Variants in CSMD3 observed in about 807,000 individuals in gnomAD.
CSMD3 encodes CUB and sushi domain-containing protein 3.
A neutral mutation model predicts 435.2 loss-of-function variants in CSMD3; 177 were observed. The ratio of observed to expected loss-of-function variants is 0.41; its 90% CI spans 0.36 to 0.46. CSMD3 has a LOEUF of 0.46. Among genes scored for constraint, CSMD3 ranks in the 20% least tolerant of loss-of-function variants. CSMD3 has a pLI of 0.34. For synonymous variants in CSMD3, 1,656 were observed against 1,520.5 expected, an observed-to-expected ratio of 1.09 and a Z score of -2.07; for missense variants, 4,265 against 4,504.6, an observed-to-expected ratio of 0.95 and a Z score of 1.52.
At chr8:112,633,398 T>C (rs7827181) in intron 22 of CSMD3, among the ~76,000 whole-genome samples, 73,581 of 151,706 alleles carry the variant, frequency 0.49, 18,495 homozygotes, top group African/African-American at 0.59. Context: ...ATAAATCTGC[T>C]CCTGGGTTTG....
chr8:113,116,415 T>A (rs541747807), intron 4 of CSMD3, among the ~76,000 whole-genome samples: 1 of 152,340 alleles, frequency 6.6e-6, no homozygotes, highest in East Asian at 1.9e-4. Context: ...CCAGCATGAT[T>A]GTAAGTATCC....
chr8:112,476,038 T>A (rs551183228), intron 31 of CSMD3, among the ~76,000 whole-genome samples: 10 of 152,266 alleles, frequency 6.6e-5, no homozygotes, highest in South Asian at 2.1e-4. Flanking sequence ...TTGCATTTTT[T>A]AATTTATTTT....
rs966077812 is a variant in CSMD3 at position 112,687,851 on chromosome 8, G to T, written c.2155+2017C>A. On this transcript the variant is annotated intron_variant, in intron 14 of 70. Transcript: ENST00000297405. ...CTTTTATTCTAGCTTATCTTGAAAA[G>T]TTAAGGCACCCCAGTTTCCTACCAC... is the stretch of plus-strand genomic sequence containing the variant. Among the ~76,000 whole-genome samples, 5 of 151,994 alleles carry T rather than the reference G, an allele frequency of 3.3e-5. No homozygotes were observed. The East Asian group carries it at 9.7e-4, about 29-fold the overall frequency.
chr8:112,960,576 T>C (rs1264286296), intron 7 of CSMD3, among the ~76,000 whole-genome samples: 7 of 151,760 alleles, frequency 4.6e-5, no homozygotes, highest in Admixed American at 3.9e-4. Context: ...AAATATTTCA[T>C]TTCAAAATAT....
intron 3 of CSMD3, among the ~76,000 whole-genome samples, chr8:113,230,731 T>C (rs1316416669): frequency 6.6e-6 from 1 of 151,666 alleles, no homozygotes; most frequent in Non-Finnish European, 1.5e-5. Context: ...CTCTTTAGTC[T>C]ACTTCTAAAC....
rs184471629 is a variant in CSMD3 at position 112,858,329 on chromosome 8, C to T, written c.1755+816G>A. On this transcript the variant is annotated intron_variant, in intron 11 of 70. Coordinates refer to ENST00000297405, the MANE Select transcript of CSMD3 (RefSeq NM_198123.2). Reference sequence around the variant, plus strand: ...AAACAACATCAGAGAGGTTAAATAACTTAAAGTTATCTGAAAATTATACAT... The same window carrying T: ...AAACAACATCAGAGAGGTTAAATAATTTAAAGTTATCTGAAAATTATACAT... Among the ~76,000 whole-genome samples the T allele has an allele frequency of 4.4e-4, 67 of 151,504 alleles. No homozygotes were observed. The East Asian group carries it at 0.012, about 28-fold the overall frequency.
At chr8:113,086,559 T>G (rs946368034) in intron 5 of CSMD3, among the ~76,000 whole-genome samples, 2 of 152,146 alleles carry the variant, frequency 1.3e-5, no homozygotes, top group African/African-American at 2.4e-5. Context: ...TGTGTAATTC[T>G]AATTTATTTT....
intron 1 of CSMD3, among the ~76,000 whole-genome samples, chr8:113,361,669 T>C (rs545261523): frequency 1.1e-4 from 16 of 152,142 alleles, no homozygotes; most frequent in Middle Eastern, 3.5e-3. Context: ...TAAAAACAAA[T>C]ATAACCTTAA....
intron 1 of CSMD3, among the ~76,000 whole-genome samples, chr8:113,316,698 C>T (rs1192000405): frequency 2.0e-5 from 3 of 151,978 alleles, no homozygotes; most frequent in South Asian, 2.1e-4. Flanking sequence ...TACAGACATA[C>T]GCCACCACGC....
chr8:112,377,970 T>A (rs1829107915), intron 38 of CSMD3, among the ~76,000 whole-genome samples: 1 of 152,004 alleles, frequency 6.6e-6, no homozygotes, highest in Non-Finnish European at 1.5e-5. Context: ...CCACTTCTAA[T>A]CAAAATACTA....
chr8:112,280,471 C>G (rs1395469338), intron 59 of CSMD3, among the ~76,000 whole-genome samples: 2 of 151,768 alleles, frequency 1.3e-5, no homozygotes, highest in Non-Finnish European at 2.9e-5. Flanking sequence ...GGGTTTTTGC[C>G]ATGTTTCCCA....
At chr8:113,002,046 TAAGAC>T (rs1210388990) in intron 6 of CSMD3, among the ~76,000 whole-genome samples, 1 of 152,100 alleles carries the variant, frequency 6.6e-6, no homozygotes, top group East Asian at 1.9e-4. Context: ...CAAATAACTA[TAAGAC>T]AATATATCTT....
chr8:112,460,727 G>T (rs566946367), intron 32 of CSMD3, among the ~76,000 whole-genome samples: 1 of 152,212 alleles, frequency 6.6e-6, no homozygotes. Flanking sequence ...CAGTATAATA[G>T]ATGAAACTTT....
At chr8:113,200,141 T>C (rs2092701662) in intron 3 of CSMD3, among the ~76,000 whole-genome samples, 1 of 151,846 alleles carries the variant, frequency 6.6e-6, no homozygotes, top group Non-Finnish European at 1.5e-5. Context: ...GGCAGCATTT[T>C]ACCAATTGTT....
chr8:112,694,908 T>A (rs1298800102), intron 13 of CSMD3, among the ~76,000 whole-genome samples: 1 of 152,148 alleles, frequency 6.6e-6, no homozygotes. Flanking sequence ...GATTTCTGCA[T>A]TTCCAACTGA....
At chr8:112,769,729 T>C (rs890873433) in intron 13 of CSMD3, among the ~76,000 whole-genome samples, 6 of 152,138 alleles carry the variant, frequency 3.9e-5, no homozygotes, top group South Asian at 2.1e-4. Context: ...TTTGATTTAT[T>C]GAGAGTACAT....
At position 112,902,143 on chromosome 8, in the gene CSMD3, T is replaced by C. The variant is rs1184252274; in HGVS notation, c.1633+19484A>G. ...GTCTGTGACTAATGGTTTTACCCAC[T>C]GGGCTTCTGGCAAAAGGAGACAGCC... On this transcript the variant is annotated intron_variant, in intron 10 of 70. Coordinates refer to ENST00000297405, the MANE Select transcript of CSMD3 (RefSeq NM_198123.2). Among the ~76,000 whole-genome samples, 6 of 151,260 alleles carry C rather than the reference T, an allele frequency of 4.0e-5. No individual in the cohort carries two copies. The Admixed American group carries it at 4.0e-4, about 10-fold the overall frequency.
At chr8:113,389,772 G>A (rs961980092) in intron 1 of CSMD3, among the ~76,000 whole-genome samples, 3 of 151,672 alleles carry the variant, frequency 2.0e-5, no homozygotes, top group African/African-American at 7.2e-5. Context: ...AGGACTGAGG[G>A]GTTTCCCCAA....
At chr8:112,610,449 C>G (rs1234993187) in intron 22 of CSMD3, among the ~76,000 whole-genome samples, 1 of 152,022 alleles carries the variant, frequency 6.6e-6, no homozygotes, top group Non-Finnish European at 1.5e-5. Context: ...TCTAATATTT[C>G]CCTAGTTCCC....
Sources: gnomAD v4.1 joint callset for allele counts (sites outside exome capture counted in the v4.1 genomes callset) on GRCh38, gnomAD v4.1.1 for gene constraint, MANE v1.5 for transcripts, NCBI Gene and HGNC (gene_info 2026-07-23, HGNC 2026-07-21) for gene names.